The following GSDMB variants were observed in gnomAD, a reference collection of about 807,000 sequenced individuals.
The protein encoded by GSDMB is gasdermin-B.
In GSDMB, 32 loss-of-function variants were observed where a neutral mutation model predicts 42.9. The ratio of observed to expected loss-of-function variants is 0.75; its 90% CI spans 0.56 to 1.00. The LOEUF (loss-of-function observed/expected upper bound fraction) is 1.00, where lower values mean the gene tolerates loss of function less well. Among genes scored for constraint, GSDMB ranks in the 50% least tolerant of loss-of-function variants. The probability of loss-of-function intolerance (pLI) is 0.00; values close to 1 mark genes in which losing one functional copy is unlikely to be tolerated. For synonymous variants in GSDMB, 175 were observed against 193.7 expected, an observed-to-expected ratio of 0.90 and a Z score of 0.80; for missense variants, 468 against 498.5, an observed-to-expected ratio of 0.94 and a Z score of 0.58.
intron 2 of GSDMB, 123 bp downstream of exon 2, chr17:39,916,959 G>T: frequency 1.5e-6 from 1 of 666,660 alleles, no homozygotes; most frequent in East Asian, 2.6e-5. Flanking sequence ...AAGGTGTGTG[G>T]ATGTGTACAA....
At chr17:39,912,886 A>G (rs1029140798) in intron 2 of GSDMB, among the ~76,000 whole-genome samples, 10 of 152,170 alleles carry the variant, frequency 6.6e-5, no homozygotes, top group Non-Finnish European at 1.3e-4. Flanking sequence ...CAGGCAGATC[A>G]CTTGAGGTCA....
At position 39,905,508 on chromosome 17, in the gene GSDMB, G is replaced by T. The variant is rs767126177; in HGVS notation, c.1028-12C>A. ...CTCTTCAGACAGCTCTGGGGGCAAAGAAAGAGTGGTAAAAAGGAGAGATAT... is the reference window on the plus strand; with the variant it reads ...CTCTTCAGACAGCTCTGGGGGCAAATAAAGAGTGGTAAAAAGGAGAGATAT... On this transcript the variant is annotated splice_polypyrimidine_tract_variant and intron_variant, in intron 9 of 10. Coordinates refer to ENST00000418519, the MANE Select transcript of GSDMB (RefSeq NM_001165958.2). The T allele has an allele frequency of 3.1e-6, 5 of 1,602,198 alleles. No individual in the cohort carries two copies. In the Admixed American group the frequency reaches 8.5e-5, roughly 27 times the overall value.
rs754480485 is a variant in GSDMB, at chr17:39,917,238, T to C, written c.79A>G (p.Ser27Gly). The C allele has an allele frequency of 6.2e-7, 1 of 1,614,092 alleles. No individual in the cohort carries two copies. The highest frequency in any genetic ancestry group is 8.5e-7 in the Non-Finnish European group (1 of 1,179,912). Residue 27 changes from serine to glycine, a missense_variant, in exon 2 of 11, where the codon AGC (serine) becomes GGC (glycine). Physicochemically the swap from Ser to Gly is moderately conservative, Grantham distance 56. Coordinates refer to ENST00000418519, the MANE Select transcript of GSDMB (RefSeq NM_001165958.2). ...CGGAATCTATCAGCATCAACAAGGCTTCTAACGGCAATCATATCCCCTCCA... is the reference window on the plus strand; with the variant it reads ...CGGAATCTATCAGCATCAACAAGGCCTCTAACGGCAATCATATCCCCTCCA... ...DAGGDMIAVRSLVDADRFRCF... is the reference protein window; with the variant it reads ...DAGGDMIAVRGLVDADRFRCF...
rs1420971357 is a variant in GSDMB, at chr17:39,912,492, T to G, written c.241A>C (p.Lys81Gln). The G allele has an allele frequency of 6.2e-7, 1 of 1,611,312 alleles. No individual in the cohort carries two copies. The highest frequency in any genetic ancestry group is 8.5e-7 in the Non-Finnish European group (1 of 1,177,470). The change falls in exon 3 of 11, where the codon AAG becomes CAG. Residue 81 changes from lysine (K) to glutamine (Q), a missense_variant. Transcript: ENST00000418519. ...DELDSGLQGQ[K>Q]AEFQILDNVD... ...TTATCCAGAATTTGAAACTCAGCCT[T>G]TTGACCTGGAAAGAGAATGATAAAG...
chr17:39,914,774 A>AAG (rs1446287992), intron 2 of GSDMB, among the ~76,000 whole-genome samples: 1 of 151,688 alleles, frequency 6.6e-6, no homozygotes, highest in African/African-American at 2.4e-5. Flanking sequence ...AAAAAAAAAA[A>AAG]AAAAAGTTAA....
rs1014752904 is a variant in GSDMB at position 39,904,679 on chromosome 17, G to T, written c.*133C>A. ...TTGGATGTTAACATGGAGCGAATGG[G>T]ATACATCAAAGAATGGTTGGCTGCT... On this transcript the variant is annotated 3_prime_UTR_variant, in exon 11 of 11. Transcript: ENST00000418519. 3 of 699,408 alleles carry T rather than the reference G, an allele frequency of 4.3e-6. No individual in the cohort carries two copies. Among genetic ancestry groups the T allele is most frequent in the East Asian group, 5.2e-5 (2 of 38,506 alleles). The allele number at this position is 699,408 out of a possible 1,614,324, so 43.3% of individuals were successfully genotyped here. A position where few individuals can be genotyped will look rare whatever the true frequency, so the allele number is the denominator to read the frequency against.
At chr17:39,906,701 T>G in intron 7 of GSDMB, 2 of 1,215,504 alleles carry the variant, frequency 1.6e-6, no homozygotes, top group Non-Finnish European at 2.1e-6. Context: ...ACCCCCACAA[T>G]TAAGTCAGAG....
chr17:39,906,978 C>G lies in GSDMB; in HGVS notation c.710G>C (p.Gly237Ala), dbSNP rs779821473. The G allele has an allele frequency of 1.2e-6, 2 of 1,613,686 alleles. No individual in the cohort carries two copies. The highest frequency in any genetic ancestry group is 1.7e-6 in the Non-Finnish European group (2 of 1,179,622). ...KTKSFPEEKD[G>A]ASSCLGKSLG... ...ACCCTTACCTAAACAGGATGAAGCACCATCCTTCTCTGCAGAGAGAGGAAG... is the reference window on the plus strand; with the variant it reads ...ACCCTTACCTAAACAGGATGAAGCAGCATCCTTCTCTGCAGAGAGAGGAAG... The change falls in exon 7 of 11, where the codon GGT (glycine) becomes GCT (alanine). Residue 237 changes from glycine (G) to alanine (A), a missense_variant. By Grantham distance (60) the Gly-to-Ala change is moderately conservative (BLOSUM62 0). Coordinates refer to ENST00000418519, the MANE Select transcript of GSDMB (RefSeq NM_001165958.2).
At position 39,917,072 on chromosome 17, in the gene GSDMB, T is replaced by C; in HGVS notation, c.235+10A>G. 6.3e-7 allele frequency: 1 copy of C among 1,596,318 alleles called. No homozygotes were observed. ...CCTGGCTGGCCACCTGTCATCTACC[T>C]TATACTGACCTTGGAGCCCAGAATC... On this transcript the variant is annotated intron_variant, in intron 2 of 10. Transcript: ENST00000418519.
intron 10 of GSDMB, 127 bp downstream of exon 10, chr17:39,905,299 T>C (rs2063484025): frequency 3.0e-6 from 2 of 674,804 alleles, no homozygotes; most frequent in Admixed American, 2.7e-5. Context: ...ACAAACCAGC[T>C]GCATGGATGT....
At chr17:39,915,739 T>C (rs1261160929) in intron 2 of GSDMB, among the ~76,000 whole-genome samples, 2 of 152,104 alleles carry the variant, frequency 1.3e-5, no homozygotes, top group Non-Finnish European at 2.9e-5. Context: ...AACGAAACTC[T>C]GCTTGTGGAA....
chr17:39,918,394 C>A (rs909070433), intron 1 of GSDMB, 140 bp downstream of exon 1: 1 of 152,584 alleles, frequency 6.6e-6, no homozygotes, highest in East Asian at 1.9e-4. Context: ...CCAGCACAGG[C>A]ACTTATCCAC....
At position 39,909,779 on chromosome 17, in the gene GSDMB, C is replaced by T. The variant is rs1190628499; in HGVS notation, c.553G>A (p.Gly185Ser). The change falls in exon 4 of 11, where the codon GGC becomes AGC. Residue 185 changes from glycine (G) to serine (S), a missense_variant. Gly to Ser is a moderately conservative substitution (Grantham distance 56). Coordinates refer to ENST00000418519, the MANE Select transcript of GSDMB (RefSeq NM_001165958.2). ...ACCTTGTGTTTATAGCTGAGATGGCCCTGAGAGATCTGGCTCCAAAATTTA... is the reference window on the plus strand; with the variant it reads ...ACCTTGTGTTTATAGCTGAGATGGCTCTGAGAGATCTGGCTCCAAAATTTA... ...QYKFWSQISQ[G>S]HLSYKHKGQR... 2 of 1,613,996 alleles carry T rather than the reference C, an allele frequency of 1.2e-6. No individual in the cohort carries two copies. Among genetic ancestry groups the T allele is most frequent in the South Asian group, 1.1e-5 (1 of 91,072 alleles).
At position 39,904,844 on chromosome 17, in the gene GSDMB, G is replaced by C. The variant is rs746361999; in HGVS notation, c.1219C>G (p.Leu407Val). 1.2e-6 allele frequency: 2 copies of C among 1,613,956 alleles called. No homozygotes were observed. Among genetic ancestry groups the C allele is most frequent in the South Asian group, 2.2e-5 (2 of 91,070 alleles). ...LYVVVSILLE[L>V]AEGPTSVSS ...GAGACAGAGGTAGGCCCCTCAGCCA[G>C]CTCCAGCAGGATAGAGACAACAACA... is the stretch of plus-strand genomic sequence containing the variant. Residue 407 changes from leucine to valine, a missense_variant, in exon 11 of 11, where the codon CTG becomes GTG. By Grantham distance (32) the Leu-to-Val change is conservative. Coordinates refer to ENST00000418519, the MANE Select transcript of GSDMB (RefSeq NM_001165958.2).
At chr17:39,905,538 T>C (rs796117267) in intron 9 of GSDMB, 42 bp from the exon 10 acceptor site, 1 of 1,485,438 alleles carries the variant, frequency 6.7e-7, no homozygotes, top group South Asian at 1.2e-5. Context: ...AGATATATGG[T>C]GGGACAGGGC....
rs2063496312 is a variant in GSDMB at position 39,905,935 on chromosome 17, C to T, written c.939G>A (p.Lys313=). The part of the protein sequence containing the change: ...SGELHMEDPD[K]PLLSSLFNAA... Reference sequence around the variant, plus strand: ...CATTAAAAAGGCTGCTTAGGAGAGGCTTGTCTGGGTCCTCCATGTGTAGCT... The same window carrying T: ...CATTAAAAAGGCTGCTTAGGAGAGGTTTGTCTGGGTCCTCCATGTGTAGCT... The change falls in exon 9 of 11, where the codon AAG becomes AAA. Residue 313 remains lysine (K), a synonymous_variant. Coordinates refer to ENST00000418519, the MANE Select transcript of GSDMB (RefSeq NM_001165958.2). 1.9e-6 allele frequency: 3 copies of T among 1,614,054 alleles called. No homozygotes were observed. Among genetic ancestry groups the T allele is most frequent in the Non-Finnish European group, 2.5e-6 (3 of 1,179,944 alleles).
chr17:39,909,507 G>A (rs2063567701), intron 4 of GSDMB: 5 of 463,486 alleles, frequency 1.1e-5, no homozygotes, highest in South Asian at 2.9e-5. Context: ...GACCAGCCTG[G>A]ACAACATGCA....
chr17:39,914,714 A>G (rs1280484600), intron 2 of GSDMB, among the ~76,000 whole-genome samples: 1 of 143,490 alleles, frequency 7.0e-6, no homozygotes, highest in Admixed American at 7.2e-5. Flanking sequence ...GTGAGCCGAG[A>G]TCGCGCCACT....
Position 39,906,979 on chromosome 17 carries a change from C to T in GSDMB, c.709G>A (p.Gly237Ser). The T allele has an allele frequency of 1.2e-6, 2 of 1,614,006 alleles. No individual in the cohort carries two copies. Among genetic ancestry groups the T allele is most frequent in the Non-Finnish European group, 1.7e-6 (2 of 1,179,924 alleles). ...CCCTTACCTAAACAGGATGAAGCAC[C>T]ATCCTTCTCTGCAGAGAGAGGAAGA... ...KTKSFPEEKD[G>S]ASSCLGKSLG... The change falls in exon 7 of 11, where the codon GGT becomes AGT. Residue 237 changes from glycine (G) to serine (S), a missense_variant. Coordinates refer to ENST00000418519, the MANE Select transcript of GSDMB (RefSeq NM_001165958.2).
Sources: gnomAD v4.1 joint callset for allele counts (sites outside exome capture counted in the v4.1 genomes callset) on GRCh38, gnomAD v4.1.1 for gene constraint, MANE v1.5 for transcripts, NCBI Gene and HGNC (gene_info 2026-07-23, HGNC 2026-07-21) for gene names.